The following DPP8 variants were observed in gnomAD, a reference collection of about 807,000 sequenced individuals.
DPP8 encodes the protein dipeptidyl peptidase 8, also known as DPP VIII.
Under a neutral mutation model 107.5 loss-of-function variants are expected in DPP8, and 31 were observed. The ratio of observed to expected loss-of-function variants is 0.29; its 90% CI spans 0.22 to 0.39. DPP8 has a LOEUF of 0.39. Among genes scored for constraint, DPP8 ranks in the 10% least tolerant of loss-of-function variants. The pLI, the probability that DPP8 is intolerant of heterozygous loss-of-function variation, is 1.00. For missense variants in DPP8, 842 were observed against 1,076.1 expected, an observed-to-expected ratio of 0.78 and a Z score of 3.04; for synonymous variants, 381 against 356.6, an observed-to-expected ratio of 1.07 and a Z score of -0.77.
chr15:65,493,014 A>C (rs1288305990), intron 5 of DPP8, among the ~76,000 whole-genome samples: 1 of 152,176 alleles, frequency 6.6e-6, no homozygotes, highest in Non-Finnish European at 1.5e-5. Flanking sequence ...TTGAATCCAA[A>C]AAGAAATATT....
intron 4 of DPP8, among the ~76,000 whole-genome samples, chr15:65,499,909 T>C (rs1421347490): frequency 6.6e-6 from 1 of 152,058 alleles, no homozygotes; most frequent in African/African-American, 2.4e-5. Context: ...ATTAACTCTT[T>C]TGTTTTGAGA....
chr15:65,460,636 A>G (rs2064835063), intron 15 of DPP8, among the ~76,000 whole-genome samples: 1 of 152,212 alleles, frequency 6.6e-6, no homozygotes, highest in Non-Finnish European at 1.5e-5. Flanking sequence ...TAGGTTCATC[A>G]GTGTTATACT....
intron 15 of DPP8, among the ~76,000 whole-genome samples, chr15:65,456,960 C>T (rs1023672676): frequency 6.6e-6 from 1 of 152,190 alleles, no homozygotes; most frequent in South Asian, 2.1e-4. Context: ...TTTTCTCTCA[C>T]ATCTTTTGCA....
Position 65,500,767 on chromosome 15 carries a change from A to G in DPP8, c.385T>C (p.Tyr129His). ...TCTTCTTCTCGAGAATACATTCCATAGTCCAGTGTTGCCTAATGTGAAAGG... is the reference window on the plus strand; with the variant it reads ...TCTTCTTCTCGAGAATACATTCCATGGTCCAGTGTTGCCTAATGTGAAAGG... ...LLDLFQATLD[Y>H]GMYSREEELL... Residue 129 changes from tyrosine (Y) to histidine (H), a missense_variant, in exon 4 of 20, where the codon TAT becomes CAT. Coordinates refer to ENST00000300141, the MANE Select transcript of DPP8 (RefSeq NM_130434.5). 6.2e-7 allele frequency: 1 copy of G among 1,612,600 alleles called. No individual in the cohort carries two copies. The highest frequency in any genetic ancestry group is 2.2e-5 in the East Asian group (1 of 44,848).
At chr15:65,465,254 A>G (rs8042682) in intron 14 of DPP8, among the ~76,000 whole-genome samples, 85,215 of 148,272 alleles carry the variant, frequency 0.57, 27,186 homozygotes, top group African/African-American at 0.87. Context: ...TGCAACCTCC[A>G]TCTCCCAGGT....
intron 17 of DPP8, 84 bp from the exon 18 acceptor site, chr15:65,452,186 G>T (rs991180280): frequency 1.4e-6 from 2 of 1,463,510 alleles, no homozygotes; most frequent in Non-Finnish European, 1.8e-6. Context: ...CAAATTTACA[G>T]TCTAAAATTA....
intron 5 of DPP8, among the ~76,000 whole-genome samples, chr15:65,496,622 C>T (rs1451256405): frequency 1.3e-5 from 2 of 152,026 alleles, no homozygotes; most frequent in Non-Finnish European, 2.9e-5. Flanking sequence ...TCTATTATGA[C>T]AATAACTAAG....
chr15:65,490,007 C>T (rs1397854421), intron 6 of DPP8, among the ~76,000 whole-genome samples, 182 bp downstream of exon 6: 5 of 152,240 alleles, frequency 3.3e-5, no homozygotes, highest in African/African-American at 1.2e-4. Context: ...GTGTTAGCCA[C>T]TGTGCCCAGC....
At chr15:65,452,904 GGAGGTTGCA>G (rs2064097778) in intron 17 of DPP8, among the ~76,000 whole-genome samples, 1 of 151,630 alleles carries the variant, frequency 6.6e-6, no homozygotes, top group Non-Finnish European at 1.5e-5. Context: ...CCTGAGAGGC[GGAGGTTGCA>G]GTGAGCCGAG....
Position 65,452,028 on chromosome 15 carries a change from G to A in DPP8, c.2346C>T (p.His782=). Residue 782 remains histidine (H), a synonymous_variant, in exon 18 of 20, where the codon CAC becomes CAT. Coordinates refer to ENST00000300141, the MANE Select transcript of DPP8 (RefSeq NM_130434.5). The part of the protein sequence containing the change: ...DTGYTERYMG[H]PDQNEQGYYL... ...AATAGCCCTGTTCATTCTGGTCAGG[G>A]TGACCCATATAACGTTCCGTGTATC... is the stretch of plus-strand genomic sequence containing the variant. 6.2e-7 allele frequency: 1 copy of A among 1,613,386 alleles called. No homozygotes were observed. Among genetic ancestry groups the A allele is most frequent in the Non-Finnish European group, 8.5e-7 (1 of 1,179,770 alleles).
At chr15:65,467,700 C>G (rs1390651900) in intron 12 of DPP8, among the ~76,000 whole-genome samples, 1 of 152,182 alleles carries the variant, frequency 6.6e-6, no homozygotes, top group African/African-American at 2.4e-5. Flanking sequence ...TAGCTAAGAA[C>G]AGGTCCTGCC....
chr15:65,447,540 G>A (rs529727129), intron 19 of DPP8, among the ~76,000 whole-genome samples: 18 of 152,162 alleles, frequency 1.2e-4, no homozygotes, highest in Non-Finnish European at 2.2e-4. Flanking sequence ...CCTTTGAGTA[G>A]AAGTCTTTTT....
intron 2 of DPP8, among the ~76,000 whole-genome samples, chr15:65,508,627 C>T (rs900514401): frequency 3.9e-5 from 6 of 151,976 alleles, no homozygotes; most frequent in East Asian, 3.9e-4. Flanking sequence ...CTGAGGTGGG[C>T]GGATTACCTG....
chr15:65,514,485 A>G (rs971091358), intron 1 of DPP8, among the ~76,000 whole-genome samples: 2 of 152,112 alleles, frequency 1.3e-5, no homozygotes, highest in Admixed American at 1.3e-4. Context: ...CCAAATGTCA[A>G]CGGAACCAGT....
intron 3 of DPP8, among the ~76,000 whole-genome samples, chr15:65,502,453 G>A (rs756095847): frequency 2.0e-4 from 30 of 152,050 alleles, no homozygotes; most frequent in Non-Finnish European, 3.8e-4. Context: ...CAAGGCAGGT[G>A]GATCACCCGT....
rs1406422012 is a variant in DPP8 at position 65,490,279 on chromosome 15, C to G, written c.736G>C (p.Asp246His). The change falls in exon 6 of 20, where the codon GAT becomes CAT. Residue 246 changes from aspartate to histidine, a missense_variant. By Grantham distance (81) the Asp-to-His change is moderately conservative. Transcript: ENST00000300141. ...VHNELANMEE[D>H]ARSAGVATFV... ...GTAGCGACTCCAGCTGATCTGGCAT[C>G]TTCTTCCATGTTGGCTAGCTCTAGA... 2 of 1,612,516 alleles carry G rather than the reference C, an allele frequency of 1.2e-6. No individual in the cohort carries two copies. The highest frequency in any genetic ancestry group is 1.7e-6 in the Non-Finnish European group (2 of 1,178,520).
chr15:65,468,776 G>C lies in DPP8; in HGVS notation c.1537-1553C>G, dbSNP rs141068599. Among the ~76,000 whole-genome samples the C allele has an allele frequency of 1.8e-3, 278 of 152,210 alleles. 1 individual carries two copies. Among genetic ancestry groups the C allele is most frequent in the African/African-American group, 6.3e-3 (263 of 41,518 alleles). On this transcript the variant is annotated intron_variant, in intron 12 of 19. Coordinates refer to ENST00000300141, the MANE Select transcript of DPP8 (RefSeq NM_130434.5). ...TCAGGACTCATTCCGTTTTGACCTA[G>C]CGGATGGGAGTCAGGCCTTTCAAGA...
intron 5 of DPP8, among the ~76,000 whole-genome samples, chr15:65,496,006 C>CGGGG (rs1279843008): frequency 6.7e-6 from 1 of 150,290 alleles, no homozygotes. Context: ...TTTTTTTAGA[C>CGGGG]GGAGTGTCCC....
chr15:65,477,382 C>T (rs2066487324), intron 11 of DPP8, among the ~76,000 whole-genome samples: 1 of 149,410 alleles, frequency 6.7e-6, no homozygotes. Context: ...GTGACAAGAG[C>T]GAGACTCCGT....
Sources: gnomAD v4.1 joint callset for allele counts (sites outside exome capture counted in the v4.1 genomes callset) on GRCh38, gnomAD v4.1.1 for gene constraint, MANE v1.5 for transcripts, NCBI Gene and HGNC (gene_info 2026-07-23, HGNC 2026-07-21) for gene names.